MYO16: variants seen among roughly 807,000 people sequenced by gnomAD.
MYO16 encodes myosin XVI, also known as unconventional myosin-XVI.
Under a neutral mutation model 205.3 loss-of-function variants are expected in MYO16, and 94 were observed. The observed-to-expected ratio is 0.46, with a 90% CI of 0.39 to 0.54. The LOEUF (loss-of-function observed/expected upper bound fraction) is 0.54, where lower values mean the gene tolerates loss of function less well. MYO16 is among the 20% of genes least tolerant of loss of function. The pLI, the probability that MYO16 is intolerant of heterozygous loss-of-function variation, is 0.00. For missense variants in MYO16, 2,315 were observed against 2,387.5 expected, an observed-to-expected ratio of 0.97 and a Z score of 0.63; for synonymous variants, 988 against 954.0, an observed-to-expected ratio of 1.04 and a Z score of -0.66.
At position 108,909,859 on chromosome 13, in the gene MYO16, A is replaced by C. The variant is rs1041406893; in HGVS notation, c.1778-144A>C. ...TATTGAAAGTCCTAGCTAATGCAAA[A>C]AGACAATAAAATAAAATGTAAATAG... On this transcript the variant is annotated intron_variant, in intron 15 of 34. Coordinates refer to ENST00000457511, the MANE Select transcript of MYO16 (RefSeq NM_001198950.3). 47 of 887,514 alleles carry C rather than the reference A, an allele frequency of 5.3e-5. No individual in the cohort carries two copies. In the Admixed American group the frequency reaches 1.2e-3, roughly 22 times the overall value. The allele number at this position is 887,514 out of a possible 1,614,324, so 55.0% of individuals were successfully genotyped here.
intron 2 of MYO16, among the ~76,000 whole-genome samples, chr13:108,677,333 GTGTATATATATATATATATATGCA>G (rs1021881193): frequency 3.1e-4 from 31 of 101,132 alleles, no homozygotes; most frequent in Non-Finnish European, 5.1e-4. Context: ...GTGTGTGTGT[GTGTATATATATATATATATATGCA>G]TATATATATA....
the MYO16 span, among the ~76,000 whole-genome samples, chr13:108,570,003 ACTT>A: frequency 2.0e-5 from 3 of 152,144 alleles, no homozygotes; most frequent in South Asian, 2.1e-4. Context: ...GGTGTATAAT[ACTT>A]CTCAAATGTT....
chr13:108,918,974 T>G (rs1315414908), intron 16 of MYO16, among the ~76,000 whole-genome samples: 3 of 60,468 alleles, frequency 5.0e-5, no homozygotes, highest in African/African-American at 2.0e-4. Context: ...AAAAAAAACT[T>G]ACACTCAAAC....
chr13:108,950,438 A>G (rs1035513509), intron 16 of MYO16, among the ~76,000 whole-genome samples: 4 of 152,240 alleles, frequency 2.6e-5, no homozygotes, highest in African/African-American at 9.6e-5. Context: ...GCATGTGGAA[A>G]GGTGTTGAGT....
chr13:109,099,662 G>T (rs1888896581), intron 27 of MYO16, among the ~76,000 whole-genome samples: 1 of 152,110 alleles, frequency 6.6e-6, no homozygotes, highest in Non-Finnish European at 1.5e-5. Context: ...TTACACACCA[G>T]ACTGTACTGC....
chr13:109,135,959 C>G (rs1876755130), intron 31 of MYO16, among the ~76,000 whole-genome samples: 1 of 152,076 alleles, frequency 6.6e-6, no homozygotes, highest in Non-Finnish European at 1.5e-5. Flanking sequence ...CATGAAGGGT[C>G]TCATAAGTGT....
chr13:108,763,092 T>C (rs1885662964), intron 4 of MYO16, among the ~76,000 whole-genome samples: 1 of 152,224 alleles, frequency 6.6e-6, no homozygotes, highest in African/African-American at 2.4e-5. Context: ...ATGAATTCTT[T>C]AATTTGTTCA....
At position 108,849,739 on chromosome 13, in the gene MYO16, T is replaced by G. The variant is rs565956431; in HGVS notation, c.1248+5246T>G. Among the ~76,000 whole-genome samples, 73 of 151,104 alleles carry G rather than the reference T, an allele frequency of 4.8e-4. 1 individual carries two copies. The highest frequency in any genetic ancestry group is 9.9e-4 in the Admixed American group (15 of 15,166). On this transcript the variant is annotated intron_variant, in intron 10 of 34. Coordinates refer to ENST00000457511, the MANE Select transcript of MYO16 (RefSeq NM_001198950.3). The stretch of plus-strand genomic sequence containing the variant: ...TCCTGTTGAATTTCCTCTTTTTTTT[T>G]TTTTAACTCATCCATACTGGGTTAT...
chr13:108,935,374 C>T (rs1882431643), intron 16 of MYO16, among the ~76,000 whole-genome samples: 4 of 151,932 alleles, frequency 2.6e-5, no homozygotes, highest in Admixed American at 2.6e-4. Context: ...TTGCATGTGG[C>T]ATTTGTAAAA....
the MYO16 span, among the ~76,000 whole-genome samples, chr13:108,532,677 GC>G: frequency 7.2e-5 from 11 of 151,944 alleles, no homozygotes; most frequent in Non-Finnish European, 1.6e-4. Flanking sequence ...TGTGGTTCCA[GC>G]TACTTAGGAG....
In MYO16 at chr13:109,175,464, T is replaced by C. The variant is rs1879126346; in HGVS notation, c.5324-4078T>C. On this transcript the variant is annotated intron_variant, in intron 33 of 34. Transcript: ENST00000457511. The stretch of plus-strand genomic sequence containing the variant: ...TCCCCTGAACATCTGCATGTTTTCT[T>C]TGAGCAGAAGAGCTGGCTATCTGGA... Among the ~76,000 whole-genome samples, 3 of 152,166 alleles carry C rather than the reference T, an allele frequency of 2.0e-5. No homozygotes were observed. In the South Asian group the frequency reaches 6.2e-4, roughly 32 times the overall value.
At chr13:108,638,844 A>G (rs1358958432) in intron 1 of MYO16, among the ~76,000 whole-genome samples, 1 of 152,140 alleles carries the variant, frequency 6.6e-6, no homozygotes, top group Non-Finnish European at 1.5e-5. Flanking sequence ...CAGTTGTTCC[A>G]TGAGGAAGGT....
chr13:108,565,717 T>G, the MYO16 span, among the ~76,000 whole-genome samples: 468 of 152,310 alleles, frequency 3.1e-3, 7 homozygotes, highest in South Asian at 0.05. Flanking sequence ...CAGTATTAAA[T>G]TGAATAACAG....
chr13:109,132,923 G>A (rs937883792), intron 31 of MYO16, among the ~76,000 whole-genome samples: 4 of 152,198 alleles, frequency 2.6e-5, no homozygotes, highest in Admixed American at 6.5e-5. Flanking sequence ...CAGTGAGGAC[G>A]TGATGGGTGC....
chr13:108,628,991 A>G (rs1879854107), upstream of MYO16, among the ~76,000 whole-genome samples: 1 of 152,184 alleles, frequency 6.6e-6, no homozygotes. Context: ...CACTTTTATA[A>G]CAATAAACCC....
intron 2 of MYO16, among the ~76,000 whole-genome samples, chr13:108,708,474 G>T (rs920180500): frequency 1.3e-5 from 2 of 152,162 alleles, no homozygotes; most frequent in African/African-American, 4.8e-5. Flanking sequence ...CAAACTTACA[G>T]AAAACTTTCC....
intron 22 of MYO16, among the ~76,000 whole-genome samples, chr13:109,017,337 G>T (rs1885864318): frequency 6.6e-6 from 1 of 152,198 alleles, no homozygotes; most frequent in South Asian, 2.1e-4. Flanking sequence ...GAGATCCACT[G>T]TTAGTCTGAT....
rs556261923 is a variant in MYO16, at chr13:108,676,287, T to C, written c.292+10138T>C. On this transcript the variant is annotated intron_variant, in intron 2 of 34. Transcript: ENST00000457511. ...ATTTGATAGCACCTTTGGAAATGTA[T>C]TAAAAGGGAAAAATTTACATTATTA... Among the ~76,000 whole-genome samples the C allele has an allele frequency of 2.2e-3, 330 of 151,936 alleles. 3 individuals are homozygous for C. The highest frequency in any genetic ancestry group is 7.5e-3 in the African/African-American group (313 of 41,488).
chr13:108,671,262 A>T (rs1881977265), intron 2 of MYO16, among the ~76,000 whole-genome samples: 1 of 152,140 alleles, frequency 6.6e-6, no homozygotes, highest in African/African-American at 2.4e-5. Flanking sequence ...AGCAGACAAA[A>T]ACAATCACCC....
Sources: allele counts gnomAD v4.1 joint callset (sites outside exome capture counted in the v4.1 genomes callset), GRCh38; gene constraint gnomAD v4.1.1; transcripts MANE v1.5; gene names NCBI Gene and HGNC (gene_info 2026-07-23, HGNC 2026-07-21).